IYD: variants seen among roughly 807,000 people sequenced by gnomAD.
The protein encoded by IYD is iodotyrosine deiodinase.
In IYD, 25 loss-of-function variants were observed where a neutral mutation model predicts 28.4. The observed-to-expected ratio is 0.88, with a 90% CI of 0.64 to 1.23. IYD has a LOEUF of 1.23. Among genes scored for constraint, IYD ranks in the 50% most tolerant of loss-of-function variants. The pLI is 0.00. For synonymous variants in IYD, 140 were observed against 130.8 expected, an observed-to-expected ratio of 1.07 and a Z score of -0.48; for missense variants, 352 against 357.9, an observed-to-expected ratio of 0.98 and a Z score of 0.13.
chr6:150,395,670 G>A, intron 4 of IYD: 1 of 961,830 alleles, frequency 1.0e-6, no homozygotes, highest in Middle Eastern at 3.0e-4. Context: ...AGTGATGGAG[G>A]AAAGAAAAAT....
rs1219490684 is a variant in IYD at position 150,369,085 on chromosome 6, G to T, written c.54G>T (p.Trp18Cys). The change falls in exon 1 of 5, where the codon TGG becomes TGT. Residue 18 changes from tryptophan (W) to cysteine (C), a missense_variant. By Grantham distance (215) the Trp-to-Cys change is radical. Coordinates refer to ENST00000344419, the MANE Select transcript of IYD (RefSeq NM_203395.3). ...CCATTCTCTGCATTTTGGTTGTGTG[G>T]ATCTTTAAAAATGCCGACAGAAGCA... ...LVAILCILVV[W>C]IFKNADRSME... 2 of 1,613,840 alleles carry T rather than the reference G, an allele frequency of 1.2e-6. No individual in the cohort carries two copies. The highest frequency in any genetic ancestry group is 2.7e-5 in the African/African-American group (2 of 74,846).
rs575320262 is a variant in IYD at position 150,398,951 on chromosome 6, C to T, written c.*714C>T. On this transcript the variant is annotated 3_prime_UTR_variant, in exon 5 of 5. Transcript: ENST00000344419. Reference sequence around the variant, plus strand: ...TCAGGAGGCTGAGGCAAGAGAACTGCTTGAATCCGGGAGGTAGAGATTGCA... The same window carrying T: ...TCAGGAGGCTGAGGCAAGAGAACTGTTTGAATCCGGGAGGTAGAGATTGCA... The T allele has an allele frequency of 3.7e-4, 56 of 152,336 alleles. No individual in the cohort carries two copies. Among genetic ancestry groups the T allele is most frequent in the African/African-American group, 1.3e-3 (53 of 41,564 alleles). The allele number at this position is 152,336 out of a possible 1,614,324, so 9.4% of individuals were successfully genotyped here.
At chr6:150,372,694 GT>G in intron 1 of IYD, among the ~76,000 whole-genome samples, 5 of 117,582 alleles carry the variant, frequency 4.3e-5, no homozygotes. Flanking sequence ...ACATGTGTGT[GT>G]GGGGGTGTGT....
chr6:150,372,820 T>C lies in IYD; in HGVS notation c.178+3611T>C, dbSNP rs369135917. 5.3e-5 allele frequency among the ~76,000 whole-genome samples: 8 copies of C among 152,018 alleles called. No homozygotes were observed. The East Asian group carries it at 1.6e-3, about 29-fold the overall frequency. Reference sequence around the variant, plus strand: ...GTGACCATGCTTATTAGATGTAGGGTACAGTCTCCCTTTGCAAACCAGCCA... The same window carrying C: ...GTGACCATGCTTATTAGATGTAGGGCACAGTCTCCCTTTGCAAACCAGCCA... On this transcript the variant is annotated intron_variant, in intron 1 of 4. Coordinates refer to ENST00000344419, the MANE Select transcript of IYD (RefSeq NM_203395.3).
rs1386003272 is a variant in IYD, at chr6:150,402,931, A to C, written c.*4694A>C. ...TACAAACTTACAAAGATGATCCACC[A>C]ATAGTTTTCTCTATTTACTTTATTC... On this transcript the variant is annotated 3_prime_UTR_variant, in exon 5 of 5. Transcript: ENST00000344419. The C allele has an allele frequency of 1.9e-5, 1 of 53,026 alleles. No individual in the cohort carries two copies. The highest frequency in any genetic ancestry group is 3.8e-4 in the East Asian group (1 of 2,658). 3.3% of individuals were successfully genotyped at this position (53,026 alleles called of 1,614,324 possible).
At chr6:150,371,987 A>G (rs1777258265) in intron 1 of IYD, among the ~76,000 whole-genome samples, 1 of 152,176 alleles carries the variant, frequency 6.6e-6, no homozygotes, top group African/African-American at 2.4e-5. Context: ...ATATTACTCT[A>G]GGTCCAGAAG....
At chr6:150,391,166 G>C (rs143197171) in intron 2 of IYD, among the ~76,000 whole-genome samples, 5,334 of 151,602 alleles carry the variant, frequency 0.035, 308 homozygotes, top group African/African-American at 0.12. Flanking sequence ...GAACCCGGGA[G>C]GTGGAAGTTG....
At chr6:150,370,244 AGTGGATGTGTGTGCGC>A (rs746732516) in intron 1 of IYD, among the ~76,000 whole-genome samples, 17,552 of 147,854 alleles carry the variant, frequency 0.12, 1,765 homozygotes, top group East Asian at 0.31. Context: ...TGTGCATGAG[AGTGGATGTGTGTGCGC>A]GTGCATGTGA....
chr6:150,397,516 G>A lies in IYD; in HGVS notation c.688-539G>A, dbSNP rs908926268. On this transcript the variant is annotated intron_variant, in intron 4 of 4. Transcript: ENST00000344419. ...GCCCAGGAGGCAGAGGTTACAGTGA[G>A]CCGAGATCATGCCACTGCACTCCAG... is the stretch of plus-strand genomic sequence containing the variant. 3.4e-5 allele frequency among the ~76,000 whole-genome samples: 5 copies of A among 148,346 alleles called. No homozygotes were observed. In the Admixed American group the frequency reaches 3.4e-4, roughly 10 times the overall value.
intron 1 of IYD, among the ~76,000 whole-genome samples, chr6:150,372,786 G>A (rs1027337901): frequency 6.6e-6 from 1 of 151,114 alleles, no homozygotes; most frequent in Non-Finnish European, 1.5e-5. Flanking sequence ...GGTGGTGAGG[G>A]AACATTGTGT....
At chr6:150,370,175 A>G (rs1163583938) in intron 1 of IYD, among the ~76,000 whole-genome samples, 2 of 151,352 alleles carry the variant, frequency 1.3e-5, no homozygotes, top group Non-Finnish European at 2.9e-5. Flanking sequence ...GTGTGAGTGT[A>G]TGTGTGTGAG....
At chr6:150,374,727 GC>G (rs1777384215) in intron 1 of IYD, among the ~76,000 whole-genome samples, 3 of 152,044 alleles carry the variant, frequency 2.0e-5, no homozygotes, top group Admixed American at 6.5e-5. Flanking sequence ...GATTTGGGTA[GC>G]GACACAGCCA....
At chr6:150,372,291 T>TTG (rs1777274898) in intron 1 of IYD, among the ~76,000 whole-genome samples, 1 of 146,646 alleles carries the variant, frequency 6.8e-6, no homozygotes. Context: ...GGTCATTGTG[T>TTG]GACCATGCTT....
intron 4 of IYD, 71 bp from the exon 5 acceptor site, chr6:150,397,984 T>C: frequency 7.0e-7 from 1 of 1,438,618 alleles, no homozygotes; most frequent in Middle Eastern, 1.8e-4. Flanking sequence ...GACAAGAAGG[T>C]CCCCAGGTTA....
intron 1 of IYD, among the ~76,000 whole-genome samples, chr6:150,381,040 G>GT (rs1777629259): frequency 6.6e-6 from 1 of 152,186 alleles, no homozygotes; most frequent in African/African-American, 2.4e-5. Context: ...CATCAGCCTG[G>GT]TGAGGGGATG....
intron 1 of IYD, among the ~76,000 whole-genome samples, chr6:150,374,269 T>C (rs1777368189): frequency 6.6e-6 from 1 of 152,226 alleles, no homozygotes; most frequent in Non-Finnish European, 1.5e-5. Context: ...AAAGGAACAG[T>C]TAAACCTGTG....
Position 150,389,380 on chromosome 6 carries a change from A to C in IYD, c.207A>C (p.Glu69Asp), listed in dbSNP as rs753538030. 6.2e-7 allele frequency: 1 copy of C among 1,613,922 alleles called. No homozygotes were observed. The highest frequency in any genetic ancestry group is 8.5e-7 in the Non-Finnish European group (1 of 1,179,800). The change falls in exon 2 of 5, where the codon GAA (glutamate) becomes GAC (aspartate). Residue 69 changes from glutamate (E) to aspartate (D), a missense_variant. Coordinates refer to ENST00000344419, the MANE Select transcript of IYD (RefSeq NM_203395.3). ...EDADEWQESE[E>D]NVEHIPFSHN... is the part of the protein sequence containing the mutation. ...CTGATGAATGGCAAGAATCAGAAGA[A>C]AATGTTGAACACATCCCCTTCTCTC...
In IYD at chr6:150,400,019, G is replaced by A. The variant is rs1290431773; in HGVS notation, c.*1782G>A. 1 of 152,176 alleles carries A rather than the reference G, an allele frequency of 6.6e-6. No homozygotes were observed. The highest frequency in any genetic ancestry group is 1.5e-5 in the Non-Finnish European group (1 of 68,052). The allele number at this position is 152,176 out of a possible 1,614,324, so 9.4% of individuals were successfully genotyped here. ...ACATGGTTAACATTCATAAATGGTG[G>A]GGGCCCTTACTGTGGTAGAAACCAT... On this transcript the variant is annotated 3_prime_UTR_variant, in exon 5 of 5. Coordinates refer to ENST00000344419, the MANE Select transcript of IYD (RefSeq NM_203395.3).
Position 150,371,555 on chromosome 6 carries a change from G to T in IYD, c.178+2346G>T, listed in dbSNP as rs74332288. On this transcript the variant is annotated intron_variant, in intron 1 of 4. Transcript: ENST00000344419. ...GTTGAGGGTCAGGTCCTGGGGCTGG[G>T]CCTGGAGGCTGGGAACATAGAGCAG... Among the ~76,000 whole-genome samples, 17 of 152,330 alleles carry T rather than the reference G, an allele frequency of 1.1e-4. No individual in the cohort carries two copies. The East Asian group carries it at 3.1e-3, about 28-fold the overall frequency.
Sources: gnomAD v4.1 joint callset for allele counts (sites outside exome capture counted in the v4.1 genomes callset) on GRCh38, gnomAD v4.1.1 for gene constraint, MANE v1.5 for transcripts, NCBI Gene and HGNC (gene_info 2026-07-23, HGNC 2026-07-21) for gene names.